Variants in AFAP1 observed in about 807,000 individuals in gnomAD.
AFAP1 encodes the protein actin filament-associated protein 1.
A neutral mutation model predicts 93.9 loss-of-function variants in AFAP1; 75 were observed. The ratio of observed to expected loss-of-function variants is 0.80; its 90% CI spans 0.66 to 0.97. The LOEUF (loss-of-function observed/expected upper bound fraction) is 0.97. Among genes scored for constraint, AFAP1 ranks in the 50% least tolerant of loss-of-function variants. The pLI, the probability that AFAP1 is intolerant of heterozygous loss-of-function variation, is 0.00. For synonymous variants in AFAP1, 517 were observed against 430.7 expected (o/e 1.20, Z -2.48); for missense variants, 1,201 against 1,050.8 (o/e 1.14, Z -1.98).
chr4:7,856,198 A>C (rs1359292548), intron 3 of AFAP1, among the ~76,000 whole-genome samples: 1 of 152,178 alleles, frequency 6.6e-6, no homozygotes, highest in Non-Finnish European at 1.5e-5. Context: ...CAAAGTAGAA[A>C]TTATTCTCTA....
chr4:7,820,429 AGAG>A (rs1378972015), intron 6 of AFAP1, among the ~76,000 whole-genome samples: 1 of 152,220 alleles, frequency 6.6e-6, no homozygotes, highest in Non-Finnish European at 1.5e-5. Flanking sequence ...ATGGCAAGAC[AGAG>A]AAGAACAGAG....
chr4:7,934,912 T>C (rs1017961828), intron 1 of AFAP1, among the ~76,000 whole-genome samples: 2 of 152,218 alleles, frequency 1.3e-5, no homozygotes, highest in African/African-American at 4.8e-5. Flanking sequence ...ATGTAAATAA[T>C]TGAAGAGATT....
At chr4:7,928,123 C>A (rs1194094350) in intron 1 of AFAP1, among the ~76,000 whole-genome samples, 5 of 152,304 alleles carry the variant, frequency 3.3e-5, no homozygotes, top group African/African-American at 1.2e-4. Context: ...CAGTGTTCCT[C>A]ACGTAATAGC....
rs1464858544 is a variant in AFAP1, at chr4:7,842,203, T to TA, written c.546+935dup. 2.2e-5 allele frequency among the ~76,000 whole-genome samples: 3 copies of TA among 136,818 alleles called. No homozygotes were observed. In the East Asian group the frequency reaches 6.3e-4, roughly 29 times the overall value. The allele number at this position is 136,818 out of a possible 152,430, so 89.8% of individuals were successfully genotyped here. A position where few individuals can be genotyped will look rare whatever the true frequency, so the allele number is the denominator to read the frequency against. The stretch of plus-strand genomic sequence containing the variant: ...TGTGGAAAAAATATGTACTCTGTTT[T>TA]AAAAAACTGAACAAAAACATTAAAA... On this transcript the variant is annotated intron_variant, in intron 5 of 17. Transcript: ENST00000420658.
At chr4:7,789,330 G>A (rs779125335) in intron 11 of AFAP1, among the ~76,000 whole-genome samples, 6 of 152,130 alleles carry the variant, frequency 3.9e-5, no homozygotes, top group Admixed American at 2.6e-4. Context: ...ATAACCTCCC[G>A]GGACTCCGAG....
At chr4:7,911,620 G>A (rs1374279820) in intron 1 of AFAP1, among the ~76,000 whole-genome samples, 1 of 152,140 alleles carries the variant, frequency 6.6e-6, no homozygotes, top group Non-Finnish European at 1.5e-5. Flanking sequence ...TTAAGAAATG[G>A]AGTTTCTGAG....
At chr4:7,781,883 A>G (rs751146366) in intron 12 of AFAP1, among the ~76,000 whole-genome samples, 4 of 151,652 alleles carry the variant, frequency 2.6e-5, no homozygotes, top group Non-Finnish European at 4.4e-5. Context: ...TATGGAAAAA[A>G]TTTTTTTTTC....
At chr4:7,888,202 G>C (rs1718241005) in intron 1 of AFAP1, among the ~76,000 whole-genome samples, 1 of 152,208 alleles carries the variant, frequency 6.6e-6, no homozygotes, top group South Asian at 2.1e-4. Context: ...ATGAAATTGT[G>C]ACATTTTAGA....
intron 1 of AFAP1, among the ~76,000 whole-genome samples, chr4:7,880,184 G>A (rs969557955): frequency 6.6e-6 from 1 of 151,934 alleles, no homozygotes; most frequent in African/African-American, 2.4e-5. Context: ...TATGGTTTGT[G>A]GGAACCAAAA....
chr4:7,812,051 A>C (rs1187799194), intron 8 of AFAP1, among the ~76,000 whole-genome samples: 1 of 150,892 alleles, frequency 6.6e-6, no homozygotes, highest in African/African-American at 2.4e-5. Context: ...CCCAGCTACC[A>C]TCAGACAGGG....
intron 11 of AFAP1, chr4:7,788,877 G>C (rs1717568260): frequency 6.6e-6 from 1 of 152,324 alleles, no homozygotes; most frequent in South Asian, 2.1e-4. Flanking sequence ...TGCATCTTCA[G>C]TTTCCAGCAT....
chr4:7,819,397 G>T (rs13121514), intron 6 of AFAP1, among the ~76,000 whole-genome samples: 22,439 of 152,190 alleles, frequency 0.15, 2,115 homozygotes, highest in Non-Finnish European at 0.21. Flanking sequence ...CATGGAACAT[G>T]CAACTACGTT....
intron 15 of AFAP1, 114 bp downstream of exon 15, chr4:7,774,625 T>C: frequency 7.1e-7 from 1 of 1,416,744 alleles, no homozygotes; most frequent in Non-Finnish European, 9.4e-7. Context: ...AACCCACTCT[T>C]ACTAAATAAA....
intron 14 of AFAP1, chr4:7,776,712 G>C (rs2148971997): frequency 6.6e-6 from 1 of 152,310 alleles, no homozygotes; most frequent in East Asian, 1.9e-4. Flanking sequence ...GACAGCAAAA[G>C]CGTCGGCAGC....
In AFAP1 at chr4:7,786,200, G is replaced by A. The variant is rs767866796; in HGVS notation, c.1524C>T (p.Asn508=). ...CCAAAAAAAGGGCACTCACCGAGCCGTTGATGCACGGGACATCGTCATAAT... is the reference window on the plus strand; with the variant it reads ...CCAAAAAAAGGGCACTCACCGAGCCATTGATGCACGGGACATCGTCATAAT... The part of the protein sequence containing the change: ...ALHYDDVPCI[N]GSWEPEDGFP... Residue 508 remains asparagine, a synonymous_variant, in exon 12 of 18, where the codon AAC becomes AAT. Transcript: ENST00000420658. 1.2e-5 allele frequency: 20 copies of A among 1,613,676 alleles called. No individual in the cohort carries two copies. The highest frequency in any genetic ancestry group is 1.6e-4 in the Middle Eastern group (1 of 6,082).
At chr4:7,909,551 G>A (rs1204903742) in intron 1 of AFAP1, among the ~76,000 whole-genome samples, 1 of 152,146 alleles carries the variant, frequency 6.6e-6, no homozygotes, top group East Asian at 1.9e-4. Context: ...GTGAATAACC[G>A]GCAAATATAC....
chr4:7,802,606 A>G (rs1577228315), intron 9 of AFAP1, among the ~76,000 whole-genome samples: 1 of 148,074 alleles, frequency 6.8e-6, no homozygotes, highest in Non-Finnish European at 1.5e-5. Context: ...GCAAAATGCT[A>G]TTTGTAAATG....
At position 7,900,759 on chromosome 4, in the gene AFAP1, C is replaced by G. The variant is rs561483821; in HGVS notation, c.-2-28679G>C. Among the ~76,000 whole-genome samples the G allele has an allele frequency of 6.4e-4, 98 of 152,294 alleles. 1 individual carries two copies. The highest frequency in any genetic ancestry group is 2.3e-3 in the African/African-American group (96 of 41,554). ...GGATAAACACTGCAACATTTTGACT[C>G]AAATACTGTTACGTGGTAGCATTGC... On this transcript the variant is annotated intron_variant, in intron 1 of 17. Transcript: ENST00000420658.
intron 1 of AFAP1, among the ~76,000 whole-genome samples, chr4:7,896,387 C>T (rs1395582313): frequency 6.6e-6 from 1 of 152,028 alleles, no homozygotes; most frequent in Non-Finnish European, 1.5e-5. Context: ...AAGCAAGCAC[C>T]TCCAACGAGG....
Sources: gnomAD v4.1 joint callset for allele counts (sites outside exome capture counted in the v4.1 genomes callset) on GRCh38, gnomAD v4.1.1 for gene constraint, MANE v1.5 for transcripts, NCBI Gene and HGNC (gene_info 2026-07-23, HGNC 2026-07-21) for gene names.